The following GRIP1 variants were observed in gnomAD, a reference collection of about 807,000 sequenced individuals.
GRIP1 encodes glutamate receptor-interacting protein 1.
In GRIP1, 45 loss-of-function variants were observed where a neutral mutation model predicts 129.9. The ratio of observed to expected loss-of-function variants is 0.35; its 90% CI spans 0.27 to 0.44. The LOEUF is 0.44. Among genes scored for constraint, GRIP1 ranks in the 20% least tolerant of loss-of-function variants. The pLI, the probability that GRIP1 is intolerant of heterozygous loss-of-function variation, is 1.00. For missense variants in GRIP1, 1,196 were observed against 1,396.8 expected (o/e 0.86, Z 2.29); for synonymous variants, 530 against 520.8 (o/e 1.02, Z -0.24).
intron 1 of GRIP1, among the ~76,000 whole-genome samples, chr12:66,712,420 C>T (rs1367689705): frequency 6.6e-6 from 1 of 151,910 alleles, no homozygotes; most frequent in African/African-American, 2.4e-5. Flanking sequence ...GTTCACATGG[C>T]TCAGGTTTTC....
At chr12:66,747,489 C>T (rs1417873876) in intron 1 of GRIP1, among the ~76,000 whole-genome samples, 1 of 152,004 alleles carries the variant, frequency 6.6e-6, no homozygotes, top group Non-Finnish European at 1.5e-5. Flanking sequence ...CTTTCCGTGC[C>T]TTCTGATTGG....
chr12:66,487,296 C>T (rs1233911421), intron 7 of GRIP1, among the ~76,000 whole-genome samples: 1 of 152,174 alleles, frequency 6.6e-6, no homozygotes, highest in East Asian at 1.9e-4. Context: ...GGAAACCCTA[C>T]AAGCCAGAAG....
intron 1 of GRIP1, among the ~76,000 whole-genome samples, chr12:66,837,669 A>G (rs1161176951): frequency 6.6e-6 from 1 of 152,238 alleles, no homozygotes; most frequent in Non-Finnish European, 1.5e-5. Flanking sequence ...ACTTTTAGGA[A>G]AATTACTCTG....
At chr12:66,792,390 C>T (rs2038568293) in intron 1 of GRIP1, among the ~76,000 whole-genome samples, 1 of 152,012 alleles carries the variant, frequency 6.6e-6, no homozygotes, top group Admixed American at 6.6e-5. Context: ...TACAGGAACG[C>T]ACCACTATGA....
intron 2 of GRIP1, chr12:66,564,104 C>G (rs12226945): frequency 0.13 from 20,098 of 158,654 alleles, 1,333 homozygotes; most frequent in East Asian, 0.19. Context: ...TTGTGTTTTG[C>G]TTCAGTTGCC....
chr12:66,783,798 C>G (rs1225461939), intron 1 of GRIP1, among the ~76,000 whole-genome samples: 1 of 151,912 alleles, frequency 6.6e-6, no homozygotes, highest in Non-Finnish European at 1.5e-5. Context: ...AGTTTGAGTT[C>G]AATATGAAAA....
intron 1 of GRIP1, among the ~76,000 whole-genome samples, chr12:66,688,843 G>A (rs1354450079): frequency 1.3e-5 from 2 of 151,792 alleles, no homozygotes; most frequent in African/African-American, 4.8e-5. Context: ...ATGTCTAAAG[G>A]GGAAAAGGGC....
intron 7 of GRIP1, among the ~76,000 whole-genome samples, chr12:66,483,498 C>G (rs1194092636): frequency 6.6e-6 from 1 of 152,108 alleles, no homozygotes; most frequent in African/African-American, 2.4e-5. Context: ...GCAAGTGAAA[C>G]TCGATAATAC....
rs375750147 is a variant in GRIP1 at position 66,945,678 on chromosome 12, C to G, written c.58+123372G>C. Among the ~76,000 whole-genome samples, 15 of 152,278 alleles carry G rather than the reference C, an allele frequency of 9.9e-5. 1 individual carries two copies. The highest frequency in any genetic ancestry group is 3.6e-4 in the African/African-American group (15 of 41,548). On this transcript the variant is annotated intron_variant, in intron 1 of 1. Coordinates refer to the GRIP1 transcript ENST00000643019. The stretch of plus-strand genomic sequence containing the variant: ...GGATCTGCCCCCATGACCCACACAC[C>G]TCCCATCAGTTCCCACCTCTCACAC...
chr12:66,703,387 T>C (rs781096747), intron 1 of GRIP1, among the ~76,000 whole-genome samples: 3 of 152,082 alleles, frequency 2.0e-5, no homozygotes, highest in Admixed American at 6.6e-5. Context: ...AGAGGCATGA[T>C]AATATCTATA....
chr12:66,687,187 C>T (rs1231587590), intron 1 of GRIP1, among the ~76,000 whole-genome samples: 1 of 152,110 alleles, frequency 6.6e-6, no homozygotes, highest in Admixed American at 6.6e-5. Flanking sequence ...GGTATCCTAT[C>T]GAGTATATAT....
At chr12:66,794,590 T>TA (rs2038642595) in intron 1 of GRIP1, among the ~76,000 whole-genome samples, 1 of 152,180 alleles carries the variant, frequency 6.6e-6, no homozygotes, top group African/African-American at 2.4e-5. Flanking sequence ...CTTAAATACT[T>TA]ACGTTACTTC....
intron 1 of GRIP1, among the ~76,000 whole-genome samples, chr12:67,046,755 A>T (rs945564416): frequency 2.0e-5 from 3 of 152,254 alleles, no homozygotes; most frequent in Non-Finnish European, 4.4e-5. Context: ...ACATGTAAGT[A>T]TGGAACATAA....
At chr12:66,519,184 G>C (rs183751072) in intron 5 of GRIP1, among the ~76,000 whole-genome samples, 37 of 152,092 alleles carry the variant, frequency 2.4e-4, no homozygotes, top group African/African-American at 8.7e-4. Flanking sequence ...GAAGGCAAAT[G>C]CTTCTTTTGT....
At chr12:66,376,969 A>T in intron 22 of GRIP1, 48 bp downstream of exon 22, 1 of 1,292,940 alleles carries the variant, frequency 7.7e-7, no homozygotes, top group South Asian at 1.2e-5. Flanking sequence ...GCAAGGGGGT[A>T]GGGAAGGCAG....
intron 15 of GRIP1, among the ~76,000 whole-genome samples, chr12:66,416,581 A>G (rs1453498887): frequency 6.6e-6 from 1 of 152,216 alleles, no homozygotes; most frequent in Non-Finnish European, 1.5e-5. Context: ...GAGACATTAT[A>G]ACTGATATCA....
intron 4 of GRIP1, among the ~76,000 whole-genome samples, chr12:66,530,886 T>C (rs565271437): frequency 6.6e-6 from 1 of 151,830 alleles, no homozygotes; most frequent in South Asian, 2.1e-4. Context: ...AAGTAACACA[T>C]TTTTTTACAT....
At chr12:66,782,580 A>G (rs2038196379) in intron 1 of GRIP1, among the ~76,000 whole-genome samples, 1 of 152,240 alleles carries the variant, frequency 6.6e-6, no homozygotes, top group Admixed American at 6.5e-5. Flanking sequence ...TAGAATTGGA[A>G]GTAATTTTCA....
intron 1 of GRIP1, among the ~76,000 whole-genome samples, chr12:67,064,496 T>C (rs1432411835): frequency 6.6e-6 from 1 of 152,220 alleles, no homozygotes; most frequent in East Asian, 1.9e-4. Context: ...AGGCATGTTA[T>C]AAGACTGTAC....
Sources: gnomAD v4.1 joint callset for allele counts (sites outside exome capture counted in the v4.1 genomes callset) on GRCh38, gnomAD v4.1.1 for gene constraint, MANE v1.5 for transcripts, NCBI Gene and HGNC (gene_info 2026-07-23, HGNC 2026-07-21) for gene names.